FAF2: variants seen among roughly 807,000 people sequenced by gnomAD.
FAF2 encodes FAS-associated factor 2.
Under a neutral mutation model 62.3 loss-of-function variants are expected in FAF2, and 9 were observed. The observed-to-expected ratio is 0.14, with a 90% CI of 0.09 to 0.25. FAF2 has a LOEUF of 0.25. Among genes scored for constraint, FAF2 ranks in the 10% least tolerant of loss-of-function variants. The pLI, the probability that FAF2 is intolerant of heterozygous loss-of-function variation, is 1.00. For synonymous variants in FAF2, 202 were observed against 198.0 expected, an observed-to-expected ratio of 1.02 and a Z score of -0.17; for missense variants, 368 against 556.2, an observed-to-expected ratio of 0.66 and a Z score of 3.40.
intron 1 of FAF2, among the ~76,000 whole-genome samples, chr5:176,475,664 G>C (rs1376084887): frequency 6.6e-6 from 1 of 152,022 alleles, no homozygotes; most frequent in African/African-American, 2.4e-5. Flanking sequence ...GCTACTTGGG[G>C]AGCCAAGGCA....
At chr5:176,471,375 CTTTTTTTTTTTT>C (rs138149987) in intron 1 of FAF2, among the ~76,000 whole-genome samples, 31 of 97,624 alleles carry the variant, frequency 3.2e-4, no homozygotes, top group African/African-American at 1.2e-3. Context: ...TCTGTACATT[CTTTTTTTTTTTT>C]TTTTTTTTTT....
At chr5:176,500,176 A>C (rs941088892) in intron 10 of FAF2, 30 bp downstream of exon 10, 1 of 1,609,876 alleles carries the variant, frequency 6.2e-7, no homozygotes, top group African/African-American at 1.3e-5. Flanking sequence ...TGTGAAGTGT[A>C]TGTAGCATCT....
chr5:176,498,890 C>G (rs746151385), intron 8 of FAF2, 24 bp from the exon 9 acceptor site: 5 of 1,517,064 alleles, frequency 3.3e-6, no homozygotes, highest in Non-Finnish European at 4.4e-6. Context: ...TGTTTTTCTT[C>G]TCTTGCTTTT....
At chr5:176,479,341 CTT>C in intron 2 of FAF2, 85 bp downstream of exon 2, 1 of 1,068,396 alleles carries the variant, frequency 9.4e-7, no homozygotes, top group Non-Finnish European at 1.4e-6. Flanking sequence ...TAGCAGGAAT[CTT>C]TTCAGTAGAT....
At chr5:176,470,329 G>T (rs1758543131) in intron 1 of FAF2, among the ~76,000 whole-genome samples, 1 of 152,242 alleles carries the variant, frequency 6.6e-6, no homozygotes, top group East Asian at 1.9e-4. Context: ...TATAATCCCA[G>T]CACTTTGGGA....
chr5:176,470,018 G>A (rs1472349555), intron 1 of FAF2, among the ~76,000 whole-genome samples: 1 of 152,194 alleles, frequency 6.6e-6, no homozygotes, highest in East Asian at 1.9e-4. Context: ...AACACCAGAA[G>A]ATTCCTGTAA....
chr5:176,464,007 G>A (rs1758423934), intron 1 of FAF2, among the ~76,000 whole-genome samples: 2 of 152,198 alleles, frequency 1.3e-5, no homozygotes, highest in African/African-American at 4.8e-5. Flanking sequence ...TGAGATTACA[G>A]GCGTGAGCCA....
chr5:176,449,435 C>T (rs2098378245), intron 1 of FAF2, among the ~76,000 whole-genome samples: 1 of 152,082 alleles, frequency 6.6e-6, no homozygotes. Context: ...ATTAGCCGGG[C>T]GTGGTGGTGC....
Position 176,498,947 on chromosome 5 carries a change from A to G in FAF2, c.873A>G (p.Gln291=), listed in dbSNP as rs1407597069. 6.2e-7 allele frequency: 1 copy of G among 1,609,190 alleles called. No homozygotes were observed. Among genetic ancestry groups the G allele is most frequent in the East Asian group, 2.2e-5 (1 of 44,876 alleles). Reference sequence around the variant, plus strand: ...GAAACCAGACCCAAGTGCTGAGACAACAGCAGGATGAGGCCTACCTGGCCT... The same window carrying G: ...GAAACCAGACCCAAGTGCTGAGACAGCAGCAGGATGAGGCCTACCTGGCCT... ...EERNQTQVLR[Q]QQDEAYLASL... Residue 291 remains glutamine, a synonymous_variant, in exon 9 of 11, where the codon CAA becomes CAG. Transcript: ENST00000261942.
intron 1 of FAF2, among the ~76,000 whole-genome samples, chr5:176,450,819 G>A (rs953740784): frequency 6.6e-6 from 1 of 152,270 alleles, no homozygotes; most frequent in Non-Finnish European, 1.5e-5. Context: ...GGGATTACAG[G>A]CGTGAGCCGC....
intron 1 of FAF2, among the ~76,000 whole-genome samples, chr5:176,465,651 G>A (rs1758455271): frequency 6.6e-6 from 1 of 152,114 alleles, no homozygotes; most frequent in Admixed American, 6.6e-5. Flanking sequence ...ACAGTTATGA[G>A]CCACCATGCC....
rs1237062771 is a variant in FAF2 at position 176,489,011 on chromosome 5, A to G, written c.328A>G (p.Ile110Val). Residue 110 changes from isoleucine (I) to valine (V), a missense_variant, in exon 4 of 11, where the codon ATA (isoleucine) becomes GTA (valine). Coordinates refer to ENST00000261942, the MANE Select transcript of FAF2 (RefSeq NM_014613.3). ...MLPFRFTYYT[I>V]LDIFRFALRF... Reference sequence around the variant, plus strand: ...TCCATTCCGGTTTACCTATTACACGATACTTGATATATTTAGGTATGTACC... The same window carrying G: ...TCCATTCCGGTTTACCTATTACACGGTACTTGATATATTTAGGTATGTACC... 9.9e-6 allele frequency: 16 copies of G among 1,612,880 alleles called. No homozygotes were observed. The highest frequency in any genetic ancestry group is 1.7e-4 in the Middle Eastern group (1 of 6,056).
At chr5:176,479,365 T>A in intron 2 of FAF2, 109 bp downstream of exon 2, 1 of 859,086 alleles carries the variant, frequency 1.2e-6, no homozygotes, top group Non-Finnish European at 1.9e-6. Context: ...TTTTTCAGAA[T>A]TATGACTCTA....
chr5:176,455,385 G>T (rs1051453965), intron 1 of FAF2, among the ~76,000 whole-genome samples: 2 of 152,150 alleles, frequency 1.3e-5, no homozygotes, highest in African/African-American at 4.8e-5. Context: ...GGAGGTGAAG[G>T]CTGCAGTGGG....
chr5:176,461,255 C>T (rs1331948228), intron 1 of FAF2, among the ~76,000 whole-genome samples: 1 of 151,158 alleles, frequency 6.6e-6, no homozygotes, highest in Non-Finnish European at 1.5e-5. Flanking sequence ...CTCAAGCAGT[C>T]CACCCACCTC....
In FAF2 at chr5:176,498,914, G is replaced by A. The variant is rs1755544504; in HGVS notation, c.840G>A (p.Arg280=). 9 of 1,588,188 alleles carry A rather than the reference G, an allele frequency of 5.7e-6. No homozygotes were observed. The highest frequency in any genetic ancestry group is 2.2e-5 in the East Asian group (1 of 44,692). Reference sequence around the variant, plus strand: ...TCTCTTGCTTTTGATCTATTCACAGGGAAGAAAGAAACCAGACCCAAGTGC... The same window carrying A: ...TCTCTTGCTTTTGATCTATTCACAGAGAAGAAAGAAACCAGACCCAAGTGC... ...QTYLVSERLE[R]EERNQTQVLR... The change falls in exon 9 of 11, where the codon AGG becomes AGA. Residue 280 remains arginine, a splice_region_variant and synonymous_variant. Coordinates refer to ENST00000261942, the MANE Select transcript of FAF2 (RefSeq NM_014613.3).
At chr5:176,454,048 T>TAA (rs879370561) in intron 1 of FAF2, among the ~76,000 whole-genome samples, 2 of 139,686 alleles carry the variant, frequency 1.4e-5, no homozygotes, top group African/African-American at 5.3e-5. Context: ...AGCGAGACTC[T>TAA]AAAAAAAAAA....
At chr5:176,489,686 C>A (rs542506153) in intron 4 of FAF2, among the ~76,000 whole-genome samples, 1 of 152,044 alleles carries the variant, frequency 6.6e-6, no homozygotes. Context: ...TACAAGCATG[C>A]GCCACCACGC....
chr5:176,463,620 A>G (rs1379591511), intron 1 of FAF2, among the ~76,000 whole-genome samples: 1 of 151,998 alleles, frequency 6.6e-6, no homozygotes, highest in African/African-American at 2.4e-5. Context: ...GGAACTAAGC[A>G]CTATTTTTAT....
Sources: gnomAD v4.1 joint callset for allele counts (sites outside exome capture counted in the v4.1 genomes callset) on GRCh38, gnomAD v4.1.1 for gene constraint, MANE v1.5 for transcripts, NCBI Gene and HGNC (gene_info 2026-07-23, HGNC 2026-07-21) for gene names.